TPRG1: variants seen among roughly 807,000 people sequenced by gnomAD.
TPRG1 encodes tumor protein p63-regulated gene 1 protein.
In TPRG1, 29 loss-of-function variants were observed where a neutral mutation model predicts 29.3. The ratio of observed to expected loss-of-function variants is 0.99; its 90% confidence interval spans 0.74 to 1.35. The LOEUF (loss-of-function observed/expected upper bound fraction) is 1.35. Ranked by LOEUF, TPRG1 falls within the 40% of genes most tolerant of loss-of-function variation. The pLI, the probability that TPRG1 is intolerant of heterozygous loss-of-function variation, is 0.00. For missense variants in TPRG1, 327 were observed against 335.0 expected (o/e 0.98, Z 0.19); for synonymous variants, 130 against 116.8 (o/e 1.11, Z -0.73).
chr3:189,003,418 C>G (rs1712128531), intron 2 of TPRG1, among the ~76,000 whole-genome samples: 1 of 152,126 alleles, frequency 6.6e-6, no homozygotes, highest in Non-Finnish European at 1.5e-5. Context: ...TATGTTAAAT[C>G]CTCTTAATTT....
At position 189,279,776 on chromosome 3, in the gene TPRG1, A is replaced by G. The variant is rs188209273; in HGVS notation, c.480-30610A>G. Among the ~76,000 whole-genome samples the G allele has an allele frequency of 8.5e-5, 13 of 152,308 alleles. No homozygotes were observed. In the East Asian group the frequency reaches 2.5e-3, roughly 29 times the overall value. ...CAGGAAGAGGCAGAATACCCTGACT[A>G]CTAATTCAGGTTGTTTCTAGACACT... is the stretch of plus-strand genomic sequence containing the variant. On this transcript the variant is annotated intron_variant, in intron 4 of 5. Transcript: ENST00000345063.
chr3:189,225,486 A>G (rs1737584845), intron 3 of TPRG1, among the ~76,000 whole-genome samples: 1 of 152,230 alleles, frequency 6.6e-6, no homozygotes, highest in Non-Finnish European at 1.5e-5. Context: ...TAATTGCTCA[A>G]TAATTTAAAC....
chr3:189,104,231 G>A (rs1719546375), intron 1 of TPRG1, among the ~76,000 whole-genome samples: 1 of 152,080 alleles, frequency 6.6e-6, no homozygotes, highest in South Asian at 2.1e-4. Context: ...ACCTCTTTGA[G>A]CCTCTTCTGT....
intron 4 of TPRG1, among the ~76,000 whole-genome samples, chr3:189,047,083 A>C (rs2152137459): frequency 6.6e-6 from 1 of 152,314 alleles, no homozygotes; most frequent in East Asian, 1.9e-4. Context: ...TTGAAGGCCA[A>C]GTAGATGGAG....
At chr3:189,014,017 T>C (rs1385504138) in intron 3 of TPRG1, among the ~76,000 whole-genome samples, 1 of 152,154 alleles carries the variant, frequency 6.6e-6, no homozygotes, top group Non-Finnish European at 1.5e-5. Context: ...AAGGTTAGTA[T>C]TGTTATGTGT....
At chr3:189,041,352 A>G (rs80196272) in intron 4 of TPRG1, among the ~76,000 whole-genome samples, 2,936 of 152,278 alleles carry the variant, frequency 0.019, 92 homozygotes, top group African/African-American at 0.068. Context: ...AAAATATAGT[A>G]TTGCAACTAA....
chr3:189,283,287 A>G (rs1460694692), intron 4 of TPRG1, among the ~76,000 whole-genome samples: 1 of 152,208 alleles, frequency 6.6e-6, no homozygotes, highest in African/African-American at 2.4e-5. Flanking sequence ...ATAGACTGGT[A>G]ATGGTTTTCA....
chr3:189,137,536 G>A lies in TPRG1; in HGVS notation c.-291+4839G>A, dbSNP rs184669903. 1.9e-3 allele frequency among the ~76,000 whole-genome samples: 292 copies of A among 152,234 alleles called. 3 individuals carry two copies. The highest frequency in any genetic ancestry group is 0.014 in the South Asian group (68 of 4,820). On this transcript the variant is annotated intron_variant, in intron 3 of 6. Coordinates refer to the TPRG1 transcript ENST00000412373. ...GCATCCAGGCCCTGCTGTGAACAGAGCTCTACATTCCACACAGCCCTTATT... is the reference window on the plus strand; with the variant it reads ...GCATCCAGGCCCTGCTGTGAACAGAACTCTACATTCCACACAGCCCTTATT...
At chr3:189,276,238 T>C (rs1262968968) in intron 4 of TPRG1, among the ~76,000 whole-genome samples, 1 of 151,846 alleles carries the variant, frequency 6.6e-6, no homozygotes, top group Non-Finnish European at 1.5e-5. Context: ...GATGAAGAGG[T>C]GGTGGCCCCC....
chr3:189,219,480 C>T, intron 3 of TPRG1: 1 of 693,968 alleles, frequency 1.4e-6, no homozygotes, highest in Non-Finnish European at 2.0e-6. Flanking sequence ...TTTATTTCCA[C>T]CTTGCAGTTT....
intron 4 of TPRG1, among the ~76,000 whole-genome samples, chr3:189,094,169 A>AT (rs1013922049): frequency 1.1e-4 from 17 of 152,246 alleles, no homozygotes; most frequent in Non-Finnish European, 1.9e-4. Context: ...AAACAGAGAT[A>AT]TTTTTGGGAA....
chr3:189,241,718 T>G (rs1213149528), intron 4 of TPRG1, among the ~76,000 whole-genome samples: 1 of 152,120 alleles, frequency 6.6e-6, no homozygotes, highest in Non-Finnish European at 1.5e-5. Context: ...GGGCTGGTCT[T>G]TCCAGTGCTA....
intron 1 of TPRG1, among the ~76,000 whole-genome samples, chr3:189,108,996 A>G (rs986794979): frequency 6.6e-6 from 1 of 152,164 alleles, no homozygotes; most frequent in South Asian, 2.1e-4. Flanking sequence ...TCTTTCTGAC[A>G]TTTGTCATGA....
intron 4 of TPRG1, among the ~76,000 whole-genome samples, chr3:189,024,313 G>C (rs933877778): frequency 6.6e-6 from 1 of 151,952 alleles, no homozygotes; most frequent in Non-Finnish European, 1.5e-5. Context: ...CTGGGGAACC[G>C]CCTCTGCCCT....
At position 189,142,219 on chromosome 3, in the gene TPRG1, G is replaced by T. The variant is rs200154373; in HGVS notation, c.-290-5365G>T. Among the ~76,000 whole-genome samples the T allele has an allele frequency of 5.9e-5, 9 of 152,296 alleles. No individual in the cohort carries two copies. In the East Asian group the frequency reaches 1.4e-3, roughly 23 times the overall value. The stretch of plus-strand genomic sequence containing the variant: ...CCTTCCATCTTCGTGGTGATGCGAG[G>T]TGGTGGTGAGATGTTCAGGGAATGT... On this transcript the variant is annotated intron_variant, in intron 3 of 6. Transcript: ENST00000412373.
At chr3:189,047,478 T>C (rs1006470808) in intron 4 of TPRG1, among the ~76,000 whole-genome samples, 5 of 152,216 alleles carry the variant, frequency 3.3e-5, no homozygotes, top group African/African-American at 1.2e-4. Flanking sequence ...GGCTGATGAC[T>C]GAATAGGGTG....
intron 1 of TPRG1, among the ~76,000 whole-genome samples, chr3:189,206,828 TGCACGC>T (rs1734463012): frequency 6.6e-6 from 1 of 151,782 alleles, no homozygotes; most frequent in African/African-American, 2.4e-5. Flanking sequence ...TGTGTGTGTG[TGCACGC>T]GTGTATGCAT....
At chr3:189,030,762 G>A (rs1315999864) in intron 4 of TPRG1, among the ~76,000 whole-genome samples, 1 of 152,124 alleles carries the variant, frequency 6.6e-6, no homozygotes, top group Non-Finnish European at 1.5e-5. Flanking sequence ...CATATGTCAT[G>A]CTTCTTAACT....
intron 5 of TPRG1, among the ~76,000 whole-genome samples, chr3:189,157,551 C>T (rs537409394): frequency 3.9e-5 from 6 of 152,262 alleles, no homozygotes; most frequent in South Asian, 2.1e-4. Flanking sequence ...GGCCAGGTTC[C>T]GGCCACCTTC....
Sources: gnomAD v4.1 joint callset for allele counts (sites outside exome capture counted in the v4.1 genomes callset) on GRCh38, gnomAD v4.1.1 for gene constraint, MANE v1.5 for transcripts, NCBI Gene and HGNC (gene_info 2026-07-23, HGNC 2026-07-21) for gene names.